Variants in F13A1 observed in about 807,000 individuals in gnomAD.
The protein encoded by F13A1 is FSF, A subunit.
F13A1 carries 47 observed loss-of-function variants against 80.1 expected under a neutral mutation model. That is an observed-to-expected ratio of 0.59 (90% CI 0.46 to 0.75). The LOEUF (loss-of-function observed/expected upper bound fraction) is 0.75. F13A1 is among the 30% of genes least tolerant of loss of function. The pLI is 0.00. For missense variants in F13A1, 817 were observed against 930.4 expected (o/e 0.88, Z 1.59); for synonymous variants, 349 against 344.9 (o/e 1.01, Z -0.13).
intron 3 of F13A1, among the ~76,000 whole-genome samples, chr6:6,275,912 T>C (rs1757982045): frequency 1.3e-5 from 2 of 152,168 alleles, no homozygotes; most frequent in African/African-American, 2.4e-5. Flanking sequence ...TTTTAGTCTT[T>C]AAGAAAAAAT....
intron 8 of F13A1, among the ~76,000 whole-genome samples, chr6:6,208,338 A>G (rs1001907624): frequency 5.3e-5 from 8 of 152,226 alleles, no homozygotes; most frequent in Non-Finnish European, 1.0e-4. Context: ...AAATTATCCA[A>G]TTTGAATAAC....
intron 4 of F13A1, among the ~76,000 whole-genome samples, chr6:6,265,067 C>G (rs960461042): frequency 6.6e-6 from 1 of 151,974 alleles, no homozygotes; most frequent in Admixed American, 6.6e-5. Context: ...TCGAGACCAG[C>G]CTGGACAACA....
intron 13 of F13A1, among the ~76,000 whole-genome samples, chr6:6,157,844 G>T (rs1454884038): frequency 6.6e-6 from 1 of 152,182 alleles, no homozygotes; most frequent in Non-Finnish European, 1.5e-5. Context: ...TAGCAAACAT[G>T]AAATGCACAG....
At chr6:6,248,984 A>G (rs755258171) in intron 5 of F13A1, among the ~76,000 whole-genome samples, 4 of 152,234 alleles carry the variant, frequency 2.6e-5, no homozygotes, top group Non-Finnish European at 5.9e-5. Flanking sequence ...AGGAGAGGGC[A>G]GAAGGCTGCA....
intron 3 of F13A1, among the ~76,000 whole-genome samples, chr6:6,302,172 T>C (rs868755841): frequency 6.6e-6 from 1 of 152,336 alleles, no homozygotes; most frequent in South Asian, 2.1e-4. Flanking sequence ...GAATTGAAGC[T>C]TCCCTCTCCT....
At chr6:6,184,949 A>T (rs1042634644) in intron 10 of F13A1, among the ~76,000 whole-genome samples, 33 of 152,090 alleles carry the variant, frequency 2.2e-4, no homozygotes, top group African/African-American at 7.7e-4. Context: ...CCTGTAGTGG[A>T]ATGGTTCTCT....
At chr6:6,300,792 A>G (rs1238293533) in intron 3 of F13A1, among the ~76,000 whole-genome samples, 1 of 148,492 alleles carries the variant, frequency 6.7e-6, no homozygotes, top group African/African-American at 2.5e-5. Flanking sequence ...AGTGCCCTTT[A>G]TTTTTAACAA....
intron 8 of F13A1, among the ~76,000 whole-genome samples, chr6:6,203,059 G>A (rs942588108): frequency 7.2e-5 from 11 of 152,314 alleles, no homozygotes; most frequent in Admixed American, 5.2e-4. Flanking sequence ...GTAAGAAAGG[G>A]AAAGTGGAAG....
chr6:6,297,227 G>T (rs1207007277), intron 3 of F13A1, among the ~76,000 whole-genome samples: 1 of 151,814 alleles, frequency 6.6e-6, no homozygotes. Flanking sequence ...TTGTGTCTCT[G>T]CCCGGCTTTG....
chr6:6,219,118 A>G (rs1224389462), intron 8 of F13A1, among the ~76,000 whole-genome samples: 3 of 152,158 alleles, frequency 2.0e-5, no homozygotes. Flanking sequence ...CAAACCAACC[A>G]GGAGCGGGGA....
At chr6:6,248,287 T>A in intron 6 of F13A1, 25 bp downstream of exon 6, 1 of 1,583,786 alleles carries the variant, frequency 6.3e-7, no homozygotes, top group Non-Finnish European at 8.7e-7. Flanking sequence ...GTAACAGATT[T>A]TAGGTATCAG....
At chr6:6,155,052 A>G (rs1760448520) in intron 13 of F13A1, among the ~76,000 whole-genome samples, 1 of 152,216 alleles carries the variant, frequency 6.6e-6, no homozygotes, top group Admixed American at 6.5e-5. Flanking sequence ...AATACAAGAT[A>G]TATACAATAT....
chr6:6,174,025 CA>C (rs1760828185), intron 12 of F13A1, among the ~76,000 whole-genome samples: 1 of 152,218 alleles, frequency 6.6e-6, no homozygotes, highest in Admixed American at 6.5e-5. Flanking sequence ...ATTTAATTCT[CA>C]CAACTCATGG....
chr6:6,197,535 G>A (rs1583067043), intron 8 of F13A1, among the ~76,000 whole-genome samples: 1 of 152,220 alleles, frequency 6.6e-6, no homozygotes, highest in East Asian at 1.9e-4. Flanking sequence ...AAAATTAGCT[G>A]GGTGTGGTGG....
At chr6:6,174,982 C>T (rs985317909) in intron 11 of F13A1, 115 bp from the exon 12 acceptor site, 31 of 1,233,774 alleles carry the variant, frequency 2.5e-5, no homozygotes, top group Non-Finnish European at 3.4e-5. Context: ...ATACAAGCTT[C>T]AGACCTCCCC....
chr6:6,319,973 G>A (rs1758748822), intron 1 of F13A1, among the ~76,000 whole-genome samples: 2 of 152,236 alleles, frequency 1.3e-5, no homozygotes, highest in East Asian at 1.9e-4. Context: ...GGTAGGCTGC[G>A]GCATTGCCAG....
Position 6,303,931 on chromosome 6 carries a change from G to T in F13A1, c.319+1420C>A, listed in dbSNP as rs541021259. ...ATCTTCTATCTAGCCAACTTACAAAGTTTTATTAATACAGTGCTTTTTTCC... is the reference window on the plus strand; with the variant it reads ...ATCTTCTATCTAGCCAACTTACAAATTTTTATTAATACAGTGCTTTTTTCC... On this transcript the variant is annotated intron_variant, in intron 3 of 14. Transcript: ENST00000264870. Among the ~76,000 whole-genome samples the T allele has an allele frequency of 4.9e-4, 75 of 152,200 alleles. No homozygotes were observed. The South Asian group carries it at 0.013, about 27-fold the overall frequency.
chr6:6,253,376 A>C (rs1423338876), intron 4 of F13A1, among the ~76,000 whole-genome samples: 1 of 152,130 alleles, frequency 6.6e-6, no homozygotes, highest in Non-Finnish European at 1.5e-5. Context: ...TGTTAGCAGA[A>C]GCAATGTTAG....
intron 12 of F13A1, among the ~76,000 whole-genome samples, chr6:6,168,426 A>G (rs547126318): frequency 4.1e-4 from 62 of 152,124 alleles, no homozygotes; most frequent in African/African-American, 1.2e-3. Flanking sequence ...CCCATTTCCC[A>G]CTGTCCAGGA....
Sources: allele counts gnomAD v4.1 joint callset (sites outside exome capture counted in the v4.1 genomes callset), GRCh38; gene constraint gnomAD v4.1.1; transcripts MANE v1.5; gene names NCBI Gene and HGNC (gene_info 2026-07-23, HGNC 2026-07-21).